The following DNM2 variants were observed in gnomAD, a reference collection of about 807,000 sequenced individuals.
DNM2 encodes dynamin 2.
In DNM2, 15 loss-of-function variants were observed where a neutral mutation model predicts 99.0. The ratio of observed to expected loss-of-function variants is 0.15; its 90% confidence interval spans 0.10 to 0.23. The LOEUF (loss-of-function observed/expected upper bound fraction) is 0.23. DNM2 is among the 10% of genes least tolerant of loss of function. The pLI, the probability that DNM2 is intolerant of heterozygous loss-of-function variation, is 1.00. For synonymous variants in DNM2, 525 were observed against 481.2 expected (o/e 1.09, Z -1.19); for missense variants, 742 against 1,189.4 (o/e 0.62, Z 5.53).
At chr19:10,761,160 T>C (rs982640860) in intron 2 of DNM2, among the ~76,000 whole-genome samples, 4 of 152,052 alleles carry the variant, frequency 2.6e-5, no homozygotes, top group Non-Finnish European at 4.4e-5. Flanking sequence ...GGCTAATTTT[T>C]GTATTTTTAG....
chr19:10,795,435 G>A lies in DNM2; in HGVS notation c.1192G>A (p.Val398Ile). Residue 398 changes from valine to isoleucine, a missense_variant, in exon 9 of 21, where the codon GTC becomes ATC. Val to Ile is a conservative substitution (Grantham distance 29). Around this residue, in one of 7 missense-constraint regions of DNM2, gnomAD observed 240 missense variants for 431.3 expected, o/e 0.56. Transcript: ENST00000389253. This position sits in a 1 kb window ranked among gnomAD's most constrained non-coding sequence, Gnocchi z 4.2. Reference sequence around the variant, plus strand: ...CTATGCCATTAAGAACATCCATGGAGTCAGGCAAGTTCCACGAGGAGAGTC... The same window carrying A: ...CTATGCCATTAAGAACATCCATGGAATCAGGCAAGTTCCACGAGGAGAGTC... The part of the protein sequence containing the change: ...ISYAIKNIHG[V>I]RTGLFTPDMA... 1 of 1,614,094 alleles carries A rather than the reference G, an allele frequency of 6.2e-7. No individual in the cohort carries two copies. Among genetic ancestry groups the A allele is most frequent in the Non-Finnish European group, 8.5e-7 (1 of 1,180,024 alleles).
intron 5 of DNM2, among the ~76,000 whole-genome samples, chr19:10,782,268 A>G (rs150688332): frequency 1.3e-5 from 2 of 152,268 alleles, no homozygotes; most frequent in East Asian, 3.9e-4. Context: ...TCTTGGGCTC[A>G]AGCGTTCCAC....
Position 10,831,430 on chromosome 19 carries a change from G to A in DNM2, c.*383G>A. ...GCCTTCTATAAGTGCGGGCACCAAG[G>A]GCGCCTACATCCCCAGGCCTTGCTG... On this transcript the variant is annotated 3_prime_UTR_variant, in exon 21 of 21. Transcript: ENST00000389253. This position sits in a 1 kb window ranked among gnomAD's most constrained non-coding sequence, Gnocchi z 4.3. The A allele has an allele frequency of 2.0e-6, 2 of 1,019,232 alleles. No homozygotes were observed. Among genetic ancestry groups the A allele is most frequent in the East Asian group, 9.0e-5 (1 of 11,136 alleles). The allele number at this position is 1,019,232 out of a possible 1,614,324, so 63.1% of individuals were successfully genotyped here.
At chr19:10,826,264 C>T (rs1056285889) in intron 18 of DNM2, among the ~76,000 whole-genome samples, 10 of 152,154 alleles carry the variant, frequency 6.6e-5, no homozygotes, top group African/African-American at 2.4e-4. Context: ...ATTTCACAGA[C>T]AGAAAACAAG....
chr19:10,747,958 C>A (rs1405532025), intron 1 of DNM2, among the ~76,000 whole-genome samples: 1 of 152,134 alleles, frequency 6.6e-6, no homozygotes, highest in Non-Finnish European at 1.5e-5. Context: ...ACAGCCTGGG[C>A]AAAGGCCCTG....
At chr19:10,734,650 A>G (rs910427056) in intron 1 of DNM2, among the ~76,000 whole-genome samples, 12 of 151,014 alleles carry the variant, frequency 7.9e-5, no homozygotes, top group Non-Finnish European at 1.8e-4. Context: ...AAAAAAAAAA[A>G]AAAAAAAAAA....
At chr19:10,777,952 G>T (rs1017475395) in intron 5 of DNM2, among the ~76,000 whole-genome samples, 1 of 151,846 alleles carries the variant, frequency 6.6e-6, no homozygotes. Flanking sequence ...AAGAATCCTC[G>T]TGGATGGCTT....
intron 2 of DNM2, among the ~76,000 whole-genome samples, chr19:10,769,908 C>T (rs964487322): frequency 6.6e-6 from 1 of 152,214 alleles, no homozygotes; most frequent in Non-Finnish European, 1.5e-5. Context: ...AAGTTCCTTC[C>T]AGTGGCCTCA....
At chr19:10,807,104 G>T (rs772853179) in intron 13 of DNM2, among the ~76,000 whole-genome samples, 3 of 152,036 alleles carry the variant, frequency 2.0e-5, no homozygotes, top group Non-Finnish European at 2.9e-5. Flanking sequence ...ACAGAGTCTC[G>T]CATTGTCACC....
At chr19:10,726,617 G>C (rs912077022) in intron 1 of DNM2, among the ~76,000 whole-genome samples, 4 of 152,122 alleles carry the variant, frequency 2.6e-5, no homozygotes, top group African/African-American at 9.7e-5. Context: ...GATGAGAAAT[G>C]GGAGAAAAAA....
chr19:10,741,429 A>G (rs1487840900), intron 1 of DNM2, among the ~76,000 whole-genome samples: 2 of 151,710 alleles, frequency 1.3e-5, no homozygotes, highest in African/African-American at 2.4e-5. Flanking sequence ...GGGTCTTGCT[A>G]TATTGACCAG....
At chr19:10,777,872 G>A (rs939472302) in intron 5 of DNM2, among the ~76,000 whole-genome samples, 4 of 152,072 alleles carry the variant, frequency 2.6e-5, no homozygotes, top group East Asian at 1.9e-4. Flanking sequence ...TGGGATTACA[G>A]CCATGAGCCA....
At chr19:10,755,853 G>T (rs377108722) in intron 1 of DNM2, among the ~76,000 whole-genome samples, 27 of 152,054 alleles carry the variant, frequency 1.8e-4, no homozygotes, top group Non-Finnish European at 3.7e-4. Context: ...AAGTAAAGGC[G>T]GGGTTTCACC....
At chr19:10,738,806 G>T (rs1386698370) in intron 1 of DNM2, among the ~76,000 whole-genome samples, 1 of 151,110 alleles carries the variant, frequency 6.6e-6, no homozygotes, top group Non-Finnish European at 1.5e-5. Context: ...GGAGGCAGAG[G>T]TTGCTGTGAG....
intron 2 of DNM2, among the ~76,000 whole-genome samples, chr19:10,771,432 C>G (rs560543666): frequency 6.6e-6 from 1 of 152,120 alleles, no homozygotes; most frequent in Admixed American, 6.6e-5. Flanking sequence ...AAACATTTCT[C>G]CTGGGGGATT....
Position 10,796,281 on chromosome 19 carries a change from T to C in DNM2, c.1196+842T>C. Reference sequence around the variant, plus strand: ...TTGGTATCAGGCTCCCAGCGCCTCATTGGCCCCCACTGGTGCCTTTTCTCC... The same window carrying C: ...TTGGTATCAGGCTCCCAGCGCCTCACTGGCCCCCACTGGTGCCTTTTCTCC... On this transcript the variant is annotated intron_variant, in intron 9 of 20. Transcript: ENST00000389253. This position sits in a 1 kb window ranked among gnomAD's most constrained non-coding sequence, Gnocchi z 5.6. The C allele has an allele frequency of 3.7e-6, 6 of 1,601,230 alleles. No homozygotes were observed. Among genetic ancestry groups the C allele is most frequent in the South Asian group, 2.2e-5 (2 of 90,408 alleles).
At chr19:10,729,493 C>T (rs2069235740) in intron 1 of DNM2, among the ~76,000 whole-genome samples, 2 of 152,126 alleles carry the variant, frequency 1.3e-5, no homozygotes, top group South Asian at 2.1e-4. Context: ...GGAATAGCCC[C>T]GCCAGGACTT....
chr19:10,808,999 T>A, intron 14 of DNM2: 1 of 168,334 alleles, frequency 5.9e-6, no homozygotes, highest in Non-Finnish European at 1.3e-5. Context: ...GATCAGAGCA[T>A]ATTTTTCCAC....
At position 10,718,275 on chromosome 19, in the gene DNM2, G is replaced by C. The variant is rs779502758; in HGVS notation, c.33G>C (p.Pro11=). 1 of 1,494,140 alleles carries C rather than the reference G, an allele frequency of 6.7e-7. No individual in the cohort carries two copies. Among genetic ancestry groups the C allele is most frequent in the East Asian group, 2.9e-5 (1 of 34,216 alleles). 92.6% of individuals were successfully genotyped at this position (1,494,140 alleles called of 1,614,324 possible). Residue 11 remains proline (P), a synonymous_variant, in exon 1 of 21, where the codon CCG becomes CCC. Coordinates refer to ENST00000389253, the MANE Select transcript of DNM2 (RefSeq NM_001005361.3). Reference sequence around the variant, plus strand: ...ACCGCGGGATGGAAGAGCTGATCCCGCTGGTCAACAAACTGCAGGACGCCT... The same window carrying C: ...ACCGCGGGATGGAAGAGCTGATCCCCCTGGTCAACAAACTGCAGGACGCCT... MGNRGMEELI[P]LVNKLQDAFS... is the part of the protein sequence containing the mutation.
Sources: allele counts gnomAD v4.1 joint callset (sites outside exome capture counted in the v4.1 genomes callset), GRCh38; gene constraint gnomAD v4.1.1; regional missense constraint gnomAD v4.1.1; non-coding constraint Gnocchi (gnomAD v3.1); transcripts MANE v1.5; gene names NCBI Gene and HGNC (gene_info 2026-07-23, HGNC 2026-07-21).